The following RBFOX3 variants were observed in gnomAD, a reference collection of about 807,000 sequenced individuals.
The protein encoded by RBFOX3 is RNA binding fox-1 homolog 3.
In RBFOX3, 17 loss-of-function variants were observed where a neutral mutation model predicts 48.7. The observed-to-expected ratio is 0.35, with a 90% CI of 0.24 to 0.52. The LOEUF is 0.52. Among genes scored for constraint, RBFOX3 ranks in the 20% least tolerant of loss-of-function variants. RBFOX3 has a pLI of 0.94. For synonymous variants in RBFOX3, 212 were observed against 209.5 expected (o/e 1.01, Z -0.10); for missense variants, 382 against 497.5 (o/e 0.77, Z 2.21).
rs1379002171 is a variant in RBFOX3, at chr17:79,220,196, C to A, written c.-34+15570G>T. Among the ~76,000 whole-genome samples the A allele has an allele frequency of 4.6e-5, 7 of 152,160 alleles. No homozygotes were observed. On this transcript the variant is annotated intron_variant, in intron 4 of 14. Transcript: ENST00000693108. The surrounding 1 kb of genome is among the most constrained non-coding windows in gnomAD (Gnocchi z 5.9). ...TGGTACATACCCAAAAATACATCAT[C>A]ATTTCGGAACCGCGGCTCCACAGCA...
At chr17:79,324,762 C>A (rs1199625417) in intron 2 of RBFOX3, among the ~76,000 whole-genome samples, 1 of 152,214 alleles carries the variant, frequency 6.6e-6, no homozygotes, top group Non-Finnish European at 1.5e-5. Context: ...CAACACCTGG[C>A]CGAGCAACCT....
chr17:79,404,386 C>T (rs535238470), intron 2 of RBFOX3, among the ~76,000 whole-genome samples: 1 of 152,316 alleles, frequency 6.6e-6, no homozygotes, highest in East Asian at 1.9e-4. Flanking sequence ...GAGTTGGGAC[C>T]AGAGCACGTG....
At chr17:79,627,925 G>A in the RBFOX3 span, among the ~76,000 whole-genome samples, 3 of 150,096 alleles carry the variant, frequency 2.0e-5, no homozygotes, top group South Asian at 2.1e-4. Context: ...AGACCCCCAC[G>A]GTCCCCGTCA....
intron 2 of RBFOX3, among the ~76,000 whole-genome samples, chr17:79,371,901 A>G (rs2058592134): frequency 6.6e-6 from 1 of 152,042 alleles, no homozygotes; most frequent in African/African-American, 2.4e-5. Context: ...GCATTGTTCA[A>G]TTCATACCAA....
intron 1 of RBFOX3, among the ~76,000 whole-genome samples, chr17:79,521,725 A>G (rs968617652): frequency 2.5e-4 from 38 of 152,314 alleles, no homozygotes; most frequent in African/African-American, 9.1e-4. Flanking sequence ...ACATTCACAC[A>G]GGCACACACA....
At chr17:79,129,295 T>C (rs1412135205) in intron 4 of RBFOX3, among the ~76,000 whole-genome samples, 1 of 152,238 alleles carries the variant, frequency 6.6e-6, no homozygotes, top group South Asian at 2.1e-4. Context: ...GGGAAGTTAC[T>C]TGCCCAAGCA....
the RBFOX3 span, among the ~76,000 whole-genome samples, chr17:79,633,167 C>T: frequency 6.6e-6 from 1 of 152,246 alleles, no homozygotes; most frequent in Non-Finnish European, 1.5e-5. Flanking sequence ...GTCCGGGGCT[C>T]GGTTTCCCCA....
At chr17:79,133,840 G>C (rs1261286981) in intron 4 of RBFOX3, among the ~76,000 whole-genome samples, 1 of 152,216 alleles carries the variant, frequency 6.6e-6, no homozygotes, top group Non-Finnish European at 1.5e-5. Context: ...GCTGTCAAGT[G>C]ACCCACCAGA....
In RBFOX3 at chr17:79,423,081, C is replaced by T. The variant is rs1010494228; in HGVS notation, c.-175+59373G>A. Reference sequence around the variant, plus strand: ...TGCCCCGTGTGCCACGAACTCCCCTCTTTCTGCCTCCAGCCCCAGTCTCCT... The same window carrying T: ...TGCCCCGTGTGCCACGAACTCCCCTTTTTCTGCCTCCAGCCCCAGTCTCCT... On this transcript the variant is annotated intron_variant, in intron 2 of 14. Transcript: ENST00000693108. This position sits in a 1 kb window ranked among gnomAD's most constrained non-coding sequence, Gnocchi z 4.9. 6.6e-5 allele frequency among the ~76,000 whole-genome samples: 10 copies of T among 152,194 alleles called. No homozygotes were observed. Among genetic ancestry groups the T allele is most frequent in the Non-Finnish European group, 1.3e-4 (9 of 68,022 alleles).
At chr17:79,442,459 A>T (rs1189180613) in intron 2 of RBFOX3, among the ~76,000 whole-genome samples, 1 of 151,132 alleles carries the variant, frequency 6.6e-6, no homozygotes, top group Non-Finnish European at 1.5e-5. Context: ...GTTGGGTGTC[A>T]GGGTAGTAAG....
chr17:79,586,646 T>G (rs1442601823), intron 1 of RBFOX3, among the ~76,000 whole-genome samples: 5 of 152,248 alleles, frequency 3.3e-5, no homozygotes, highest in African/African-American at 1.2e-4. Flanking sequence ...AGCTACTTGG[T>G]GAGATCTTCC....
chr17:79,254,490 G>C lies in RBFOX3; in HGVS notation c.-73-18685C>G, dbSNP rs2064460914. On this transcript the variant is annotated intron_variant, in intron 3 of 14. Transcript: ENST00000693108. The surrounding 1 kb of genome is among the most constrained non-coding windows in gnomAD (Gnocchi z 4.8). The stretch of plus-strand genomic sequence containing the variant: ...ACTGACCTCTGAACATAGATGGAGG[G>C]AAGCCCTTGAGTTGCTAAGCCTGTA... 6.6e-6 allele frequency among the ~76,000 whole-genome samples: 1 copy of C among 152,242 alleles called. No individual in the cohort carries two copies. Among genetic ancestry groups the C allele is most frequent in the Non-Finnish European group, 1.5e-5 (1 of 68,028 alleles).
At chr17:79,105,350 CAG>C (rs1026355668) in intron 6 of RBFOX3, among the ~76,000 whole-genome samples, 1 of 152,102 alleles carries the variant, frequency 6.6e-6, no homozygotes, top group South Asian at 2.1e-4. Context: ...AGGGAGCTGA[CAG>C]GGGATGGTGT....
intron 3 of RBFOX3, among the ~76,000 whole-genome samples, chr17:79,291,851 T>G: frequency 6.6e-6 from 1 of 152,190 alleles, no homozygotes; most frequent in East Asian, 1.9e-4. Context: ...CTTTGCAGGT[T>G]GGCTATGAGA....
At chr17:79,396,776 C>T (rs894482079) in intron 2 of RBFOX3, among the ~76,000 whole-genome samples, 3 of 152,234 alleles carry the variant, frequency 2.0e-5, no homozygotes, top group African/African-American at 7.2e-5. Context: ...TTTGCAGGGA[C>T]CATCCCCTCA....
intron 1 of RBFOX3, among the ~76,000 whole-genome samples, chr17:79,544,083 A>C (rs1242916581): frequency 6.6e-6 from 1 of 152,232 alleles, no homozygotes; most frequent in East Asian, 1.9e-4. Context: ...GGTAAGGCCC[A>C]CAGATAGTCC....
intron 2 of RBFOX3, among the ~76,000 whole-genome samples, chr17:79,417,413 C>A (rs1322267065): frequency 6.6e-6 from 1 of 152,218 alleles, no homozygotes; most frequent in East Asian, 1.9e-4. Context: ...AGAGCACCAG[C>A]GGCCTGGCTT....
chr17:79,574,772 G>A (rs1249800587), intron 1 of RBFOX3, among the ~76,000 whole-genome samples: 2 of 152,236 alleles, frequency 1.3e-5, no homozygotes, highest in Non-Finnish European at 2.9e-5. Flanking sequence ...GGTTCGCTGA[G>A]TGAGAGCGTG....
chr17:79,430,072 G>A (rs577027256), intron 2 of RBFOX3, among the ~76,000 whole-genome samples: 101 of 152,240 alleles, frequency 6.6e-4, no homozygotes, highest in African/African-American at 2.4e-3. Context: ...AGACATCAGC[G>A]CACCAACCCA....
Sources: allele counts gnomAD v4.1 joint callset (sites outside exome capture counted in the v4.1 genomes callset), GRCh38; gene constraint gnomAD v4.1.1; non-coding constraint Gnocchi (gnomAD v3.1); transcripts MANE v1.5; gene names NCBI Gene and HGNC (gene_info 2026-07-23, HGNC 2026-07-21).